ADSL: variants seen among roughly 807,000 people sequenced by gnomAD.
The protein encoded by ADSL is adenylosuccinate lyase, also known as adenylosuccinase.
A neutral mutation model predicts 62.1 loss-of-function variants in ADSL; 44 were observed. The observed-to-expected ratio is 0.71, with a 90% CI of 0.56 to 0.91. ADSL has a LOEUF of 0.91. ADSL is among the 40% of genes least tolerant of loss of function. The pLI is 0.00. For missense variants in ADSL, 531 were observed against 627.4 expected, an observed-to-expected ratio of 0.85 and a Z score of 1.64; for synonymous variants, 198 against 220.5, an observed-to-expected ratio of 0.90 and a Z score of 0.90.
intron 10 of ADSL, among the ~76,000 whole-genome samples, chr22:40,363,736 CAAAA>C (rs1231381642): frequency 1.3e-5 from 1 of 79,660 alleles, no homozygotes; most frequent in Non-Finnish European, 2.6e-5. Context: ...AACTCCATCT[CAAAA>C]AAAAAAAAAA....
chr22:40,360,040 T>C (rs150514760), intron 6 of ADSL, among the ~76,000 whole-genome samples: 10 of 152,316 alleles, frequency 6.6e-5, no homozygotes, highest in African/African-American at 1.9e-4. Context: ...TGGCCAGACA[T>C]GGGCACGTTG....
intron 5 of ADSL, 111 bp from the exon 6 acceptor site, chr22:40,359,149 C>G (rs887933781): frequency 6.9e-6 from 11 of 1,585,556 alleles, no homozygotes; most frequent in South Asian, 4.4e-5. Flanking sequence ...GGTCTTTCGA[C>G]TAGAAGGAAG....
In ADSL at chr22:40,366,567, A is replaced by G. The variant is rs180726920; in HGVS notation, c.*45A>G. On this transcript the variant is annotated 3_prime_UTR_variant, in exon 13 of 13. Transcript: ENST00000623063. The stretch of plus-strand genomic sequence containing the variant: ...GAAAATCATTGTTAATTGCTGAGGC[A>G]TGAAAATTGTGTTACTATAATGCCT... 11 of 1,427,928 alleles carry G rather than the reference A, an allele frequency of 7.7e-6. No homozygotes were observed. In the African/African-American group the frequency reaches 1.3e-4, roughly 16 times the overall value. The allele number at this position is 1,427,928 out of a possible 1,614,324, so 88.5% of individuals were successfully genotyped here. A position where few individuals can be genotyped will look rare whatever the true frequency, so the allele number is the denominator to read the frequency against.
intron 2 of ADSL, among the ~76,000 whole-genome samples, chr22:40,352,267 C>T (rs1205449417): frequency 6.6e-6 from 1 of 152,050 alleles, no homozygotes; most frequent in East Asian, 1.9e-4. Context: ...GTGGCTCACA[C>T]CTGTAATCCC....
chr22:40,360,013 G>C (rs2044718715), intron 6 of ADSL, among the ~76,000 whole-genome samples: 1 of 152,072 alleles, frequency 6.6e-6, no homozygotes, highest in African/African-American at 2.4e-5. Flanking sequence ...CTTCTCCCAG[G>C]CATTTCTATT....
intron 2 of ADSL, among the ~76,000 whole-genome samples, chr22:40,379,923 G>T (rs956018484): frequency 6.6e-6 from 1 of 152,032 alleles, no homozygotes; most frequent in African/African-American, 2.4e-5. Flanking sequence ...GTTGCCCAGG[G>T]TGGTCTCAAA....
At chr22:40,364,232 C>T (rs946148054) in intron 10 of ADSL, 44 bp from the exon 11 acceptor site, 55 of 1,563,902 alleles carry the variant, frequency 3.5e-5, no homozygotes, top group Middle Eastern at 1.9e-4. Flanking sequence ...TGACTTTAAC[C>T]TTGAGGCACC....
chr22:40,360,985 G>A, intron 7 of ADSL: 1 of 445,222 alleles, frequency 2.2e-6, no homozygotes, highest in South Asian at 2.0e-5. Context: ...ACAGGTGTGA[G>A]CCACCGCGCC....
downstream of ADSL, chr22:40,370,736 T>G (rs1265602285): frequency 2.6e-5 from 4 of 152,470 alleles, no homozygotes; most frequent in Admixed American, 2.6e-4. Flanking sequence ...GCCTACAAGT[T>G]CCCCTCAGGC....
intron 7 of ADSL, among the ~76,000 whole-genome samples, 185 bp downstream of exon 7, chr22:40,360,677 C>A (rs370687133): frequency 3.3e-5 from 5 of 152,132 alleles, no homozygotes; most frequent in African/African-American, 1.2e-4. Flanking sequence ...TTAAAGTTAT[C>A]TCAAGCACTG....
chr22:40,377,655 A>G (rs2046863493), intron 2 of ADSL, among the ~76,000 whole-genome samples: 1 of 151,986 alleles, frequency 6.6e-6, no homozygotes, highest in South Asian at 2.1e-4. Flanking sequence ...GGGCAACATA[A>G]TGGGAACCTG....
rs1294286976 is a variant in ADSL at position 40,363,076 on chromosome 22, G to C, written c.1101+5G>C. 6.2e-7 allele frequency: 1 copy of C among 1,612,844 alleles called. No individual in the cohort carries two copies. The highest frequency in any genetic ancestry group is 8.5e-7 in the Non-Finnish European group (1 of 1,178,990). On this transcript the variant is annotated splice_donor_5th_base_variant and intron_variant, in intron 10 of 12. Transcript: ENST00000623063. Reference sequence around the variant, plus strand: ...GGATTGGTCGTGTACCCCAAAGTAAGAAGCCTCAATTCAAAAGTAAAGTAC... The same window carrying C: ...GGATTGGTCGTGTACCCCAAAGTAACAAGCCTCAATTCAAAAGTAAAGTAC...
chr22:40,380,815 G>A (rs1027682981), intron 2 of ADSL, among the ~76,000 whole-genome samples: 16 of 152,110 alleles, frequency 1.1e-4, no homozygotes, highest in African/African-American at 3.6e-4. Flanking sequence ...TGTGCCTGTA[G>A]TCCTAACTCC....
intron 9 of ADSL, among the ~76,000 whole-genome samples, chr22:40,362,600 T>C (rs2044833424): frequency 6.6e-6 from 1 of 152,166 alleles, no homozygotes. Context: ...CCAGCCCTGG[T>C]GGTTGACCGG....
intron 12 of ADSL, among the ~76,000 whole-genome samples, chr22:40,365,477 A>G (rs1173872471): frequency 1.3e-5 from 2 of 152,234 alleles, no homozygotes; most frequent in African/African-American, 4.8e-5. Context: ...CTGAGAAGGT[A>G]AAAGTAAATA....
chr22:40,366,513 A>G lies in ADSL; in HGVS notation c.1446A>G (p.Leu482=), dbSNP rs1374286999. ...YESVMKVKAE[L]CL ...GCGTGATGAAGGTGAAAGCAGAATT[A>G]TGTCTGTAGAGTTGGAAGAGAATTA... Residue 482 remains leucine (L), a synonymous_variant, in exon 13 of 13, where the codon TTA becomes TTG. Transcript: ENST00000623063. 1 of 1,608,944 alleles carries G rather than the reference A, an allele frequency of 6.2e-7. No homozygotes were observed. The highest frequency in any genetic ancestry group is 2.2e-5 in the East Asian group (1 of 44,846).
Position 40,346,682 on chromosome 22 carries a change from C to T in ADSL, c.124C>T (p.Leu42=), listed in dbSNP as rs2228415. The part of the protein sequence containing the change: ...DRYKFRTWRQ[L]WLWLAEAEQT... ...GTATAAATTCCGGACATGGCGGCAG[C>T]TGTGGCTGTGGCTGGCGGAGGCCGA... The change falls in exon 1 of 13, where the codon CTG becomes TTG. Residue 42 remains leucine, a synonymous_variant. Transcript: ENST00000623063. 21,011 of 1,611,704 alleles carry T rather than the reference C, an allele frequency of 0.013. 163 individuals are homozygous for T. Among genetic ancestry groups the T allele is most frequent in the Non-Finnish European group, 0.016 (18,674 of 1,179,514 alleles).
intron 2 of ADSL, among the ~76,000 whole-genome samples, chr22:40,376,800 A>G (rs893555662): frequency 2.6e-5 from 4 of 152,186 alleles, no homozygotes; most frequent in Non-Finnish European, 5.9e-5. Context: ...TTAATTTAGC[A>G]TATAATCAAG....
intron 1 of ADSL, 40 bp downstream of exon 1, chr22:40,346,751 G>T: frequency 6.4e-7 from 1 of 1,562,590 alleles, no homozygotes; most frequent in Non-Finnish European, 8.6e-7. Flanking sequence ...CGGGAGGGAC[G>T]GGCCCGCCCC....
Sources: gnomAD v4.1 joint callset for allele counts (sites outside exome capture counted in the v4.1 genomes callset) on GRCh38, gnomAD v4.1.1 for gene constraint, MANE v1.5 for transcripts, NCBI Gene and HGNC (gene_info 2026-07-23, HGNC 2026-07-21) for gene names.